Variants in EFEMP2 observed in about 807,000 individuals in gnomAD.
EFEMP2 encodes the protein EGF-containing fibulin-like extracellular matrix protein 2.
Under a neutral mutation model 55.3 loss-of-function variants are expected in EFEMP2, and 21 were observed. The ratio of observed to expected loss-of-function variants is 0.38; its 90% CI spans 0.27 to 0.55. EFEMP2 has a LOEUF of 0.55. EFEMP2 is among the 20% of genes least tolerant of loss of function. The pLI, the probability that EFEMP2 is intolerant of heterozygous loss-of-function variation, is 0.77. For synonymous variants in EFEMP2, 275 were observed against 242.3 expected (o/e 1.14, Z -1.25); for missense variants, 513 against 615.1 (o/e 0.83, Z 1.76).
chr11:65,867,784 G>T lies in EFEMP2; in HGVS notation c.1170+77C>A, dbSNP rs982570202. 5 of 1,530,196 alleles carry T rather than the reference G, an allele frequency of 3.3e-6. No homozygotes were observed. In the African/African-American group the frequency reaches 6.8e-5, roughly 21 times the overall value. The allele number at this position is 1,530,196 out of a possible 1,614,324, so 94.8% of individuals were successfully genotyped here. On this transcript the variant is annotated intron_variant, in intron 10 of 10. Coordinates refer to ENST00000307998, the MANE Select transcript of EFEMP2 (RefSeq NM_016938.5). The stretch of plus-strand genomic sequence containing the variant: ...GGGGAGGGGTGGGGCATAGCAGCCT[G>T]GCCGAGTTCCCCCTTAAGGCGTCCT...
At position 65,872,728 on chromosome 11, in the gene EFEMP2, T is replaced by G; in HGVS notation, c.-53A>C. The G allele has an allele frequency of 2.8e-6, 1 of 353,998 alleles. No individual in the cohort carries two copies. Among genetic ancestry groups the G allele is most frequent in the Non-Finnish European group, 5.7e-6 (1 of 174,988 alleles). The allele number at this position is 353,998 out of a possible 1,614,324, so 21.9% of individuals were successfully genotyped here. On this transcript the variant is annotated 5_prime_UTR_variant, in exon 1 of 11. Transcript: ENST00000307998. ...CGGCCCGCGGCTCTGGCGGCTCGGC[T>G]GGCTCGGGCAATGCCTGCGGGCAGA...
At chr11:65,871,120 G>C in intron 4 of EFEMP2, 37 bp downstream of exon 4, 3 of 1,611,106 alleles carry the variant, frequency 1.9e-6, no homozygotes, top group Non-Finnish European at 2.5e-6. Flanking sequence ...CCTGGTGAGA[G>C]GACTGGAAGC....
intron 10 of EFEMP2, 67 bp from the exon 11 acceptor site, chr11:65,867,146 G>A (rs991819631): frequency 4.8e-5 from 77 of 1,595,826 alleles, no homozygotes; most frequent in African/African-American, 3.1e-4. Flanking sequence ...CTGCCCCAGC[G>A]TCACCTCCCT....
Position 65,869,982 on chromosome 11 carries a change from G to T in EFEMP2, c.608-6C>A, listed in dbSNP as rs776205556. 4 of 1,613,600 alleles carry T rather than the reference G, an allele frequency of 2.5e-6. No individual in the cohort carries two copies. In the South Asian group the frequency reaches 3.3e-5, roughly 13 times the overall value. On this transcript the variant is annotated splice_region_variant and splice_polypyrimidine_tract_variant and intron_variant, in intron 6 of 10. Coordinates refer to ENST00000307998, the MANE Select transcript of EFEMP2 (RefSeq NM_016938.5). The stretch of plus-strand genomic sequence containing the variant: ...CATGTCACACTCGTTCACATCTGGG[G>T]GTGCCAGGAAAAACAGGAGGGATGA...
At chr11:65,870,024 C>G (rs1859937131) in intron 6 of EFEMP2, 48 bp from the exon 7 acceptor site, 1 of 1,613,164 alleles carries the variant, frequency 6.2e-7, no homozygotes, top group Non-Finnish European at 8.5e-7. Flanking sequence ...AGGAGGAGCC[C>G]AGAGCCTCCA....
In EFEMP2 at chr11:65,871,311, GC is replaced by G. The variant is rs1445281466; in HGVS notation, c.212del (p.Cys71SerfsTer95). ...ACAAGTAGCCCCCGTAGTGGTTGAT[GC>G]ACTTCATTTCCCCCTTGCAGGCCTC... ...IPEACKGEMK[C>X]INHYGGYLCL... On this transcript the variant is annotated frameshift_variant, in exon 4 of 11. Transcript: ENST00000307998. LOFTEE classifies it high-confidence loss of function. The G allele has an allele frequency of 6.2e-7, 1 of 1,614,200 alleles. No individual in the cohort carries two copies. The highest frequency in any genetic ancestry group is 1.3e-5 in the African/African-American group (1 of 75,058).
chr11:65,872,422 G>A (rs1859981883), intron 1 of EFEMP2, 61 bp from the exon 2 acceptor site: 10 of 1,229,050 alleles, frequency 8.1e-6, no homozygotes, highest in African/African-American at 3.0e-5. Context: ...TCCCTGTACC[G>A]GGAGCCCGAG....
rs1440510508 is a variant in EFEMP2 at position 65,869,980 on chromosome 11, G to C, written c.608-4C>G. The C allele has an allele frequency of 1.3e-5, 21 of 1,613,632 alleles. No individual in the cohort carries two copies. The highest frequency in any genetic ancestry group is 1.7e-5 in the Non-Finnish European group (20 of 1,179,902). ...CCCATGTCACACTCGTTCACATCTG[G>C]GGGTGCCAGGAAAAACAGGAGGGAT... On this transcript the variant is annotated splice_region_variant and splice_polypyrimidine_tract_variant and intron_variant, in intron 6 of 10. Coordinates refer to ENST00000307998, the MANE Select transcript of EFEMP2 (RefSeq NM_016938.5).
Position 65,871,663 on chromosome 11 carries a change from A to G in EFEMP2, c.161-300T>C, listed in dbSNP as rs1859967052. The G allele has an allele frequency of 5.0e-6, 3 of 595,084 alleles. No homozygotes were observed. The South Asian group carries it at 6.0e-5, about 12-fold the overall frequency. The allele number at this position is 595,084 out of a possible 1,614,324, so 36.9% of individuals were successfully genotyped here. On this transcript the variant is annotated intron_variant, in intron 3 of 10. Transcript: ENST00000307998. ...GGGGCCTCCTTACCCACCCCTGGGG[A>G]CGCTACCCTCCCAGGTTGTGATGAG... is the stretch of plus-strand genomic sequence containing the variant.
intron 9 of EFEMP2, 46 bp from the exon 10 acceptor site, chr11:65,868,102 C>T (rs776703920): frequency 6.3e-7 from 1 of 1,598,680 alleles, no homozygotes; most frequent in South Asian, 1.1e-5. Context: ...CTTGCCCGTC[C>T]CCCCAATTTC....
At chr11:65,870,267 G>A (rs1342702053) in intron 5 of EFEMP2, 30 bp from the exon 6 acceptor site, 1 of 1,580,314 alleles carries the variant, frequency 6.3e-7, no homozygotes. Flanking sequence ...AAGGAGGGCG[G>A]AGGGCAGAGG....
chr11:65,867,150 C>T (rs959740047), intron 10 of EFEMP2, 71 bp from the exon 11 acceptor site: 10 of 1,589,596 alleles, frequency 6.3e-6, no homozygotes, highest in Middle Eastern at 2.1e-4. Flanking sequence ...CCCAGCGTCA[C>T]CTCCCTGCCC....
chr11:65,869,925 G>A lies in EFEMP2; in HGVS notation c.659C>T (p.Ser220Phe), dbSNP rs759932989. The A allele has an allele frequency of 1.2e-6, 2 of 1,614,062 alleles. No homozygotes were observed. The highest frequency in any genetic ancestry group is 3.3e-4 in the Middle Eastern group (2 of 6,060). Residue 220 changes from serine to phenylalanine, a missense_variant, in exon 7 of 11, where the codon TCC (serine) becomes TTC (phenylalanine). By Grantham distance (155) the Ser-to-Phe change is radical. Transcript: ENST00000307998. ...GAPCEQRCFN[S>F]YGTFLCRCHQ... ...GCAGCGACACAGGAAGGTCCCATAG[G>A]AGTTGAAGCAGCGCTGCTCGCATGG...
chr11:65,869,476 G>A (rs1014987673), intron 7 of EFEMP2: 1 of 329,122 alleles, frequency 3.0e-6, no homozygotes, highest in African/African-American at 2.1e-5. Context: ...AGACTTGCTG[G>A]AGCCCATCTA....
At chr11:65,871,065 G>A (rs1859956067) in intron 4 of EFEMP2, 92 bp downstream of exon 4, 1 of 1,422,110 alleles carries the variant, frequency 7.0e-7, no homozygotes, top group African/African-American at 1.4e-5. Flanking sequence ...CATCACCAGT[G>A]GCCCTTTTGA....
At chr11:65,867,229 A>T (rs1392292184) in intron 10 of EFEMP2, 150 bp from the exon 11 acceptor site, 2 of 840,766 alleles carry the variant, frequency 2.4e-6, no homozygotes, top group Non-Finnish European at 3.8e-6. Flanking sequence ...GCTCTTTGAC[A>T]CCCTCGATGT....
Position 65,872,355 on chromosome 11 carries a change from C to T in EFEMP2, c.-1G>A, listed in dbSNP as rs1012269612. 6.5e-7 allele frequency: 1 copy of T among 1,549,612 alleles called. No homozygotes were observed. Among genetic ancestry groups the T allele is most frequent in the African/African-American group, 1.4e-5 (1 of 73,026 alleles). On this transcript the variant is annotated 5_prime_UTR_variant, in exon 2 of 11. Transcript: ENST00000307998. ...GTAGGCAGGAGGCGCAGGGGAGCATCCTGGGGCTGCGAGATGGTGGACACG... is the reference window on the plus strand; with the variant it reads ...GTAGGCAGGAGGCGCAGGGGAGCATTCTGGGGCTGCGAGATGGTGGACACG...
rs1314625974 is a variant in EFEMP2, at chr11:65,870,673, A to G, written c.368-15T>C. 6.2e-7 allele frequency: 1 copy of G among 1,613,740 alleles called. No homozygotes were observed. Among genetic ancestry groups the G allele is most frequent in the Non-Finnish European group, 8.5e-7 (1 of 1,179,974 alleles). On this transcript the variant is annotated splice_polypyrimidine_tract_variant and intron_variant, in intron 4 of 10. Transcript: ENST00000307998. ...CTCGTCCACATCTGCGAGAGACACC[A>G]CTCAGCCCCTGCCTGGGATCCCGCA...
chr11:65,870,965 G>A (rs1337517719), intron 4 of EFEMP2, 192 bp downstream of exon 4: 3 of 764,750 alleles, frequency 3.9e-6, no homozygotes, highest in Non-Finnish European at 4.3e-6. Context: ...CCGAGGGGAG[G>A]GGCCCGGAGC....
Sources: allele counts gnomAD v4.1 joint callset, GRCh38; gene constraint gnomAD v4.1.1; transcripts MANE v1.5; gene names NCBI Gene and HGNC (gene_info 2026-07-23, HGNC 2026-07-21).